The following SYNPR variants were observed in gnomAD, a reference collection of about 807,000 sequenced individuals.
SYNPR encodes the protein synaptoporin.
SYNPR carries 23 observed loss-of-function variants against 32.9 expected under a neutral mutation model. That is an observed-to-expected ratio of 0.70 (90% CI 0.50 to 0.99). The LOEUF (loss-of-function observed/expected upper bound fraction) is 0.99. Among genes scored for constraint, SYNPR ranks in the 50% least tolerant of loss-of-function variants. SYNPR has a pLI of 0.00. For synonymous variants in SYNPR, 146 were observed against 135.9 expected (o/e 1.07, Z -0.52); for missense variants, 318 against 349.3 (o/e 0.91, Z 0.71).
chr3:63,517,739 A>T (rs1489846310), intron 3 of SYNPR, among the ~76,000 whole-genome samples: 1 of 152,130 alleles, frequency 6.6e-6, no homozygotes, highest in African/African-American at 2.4e-5. Context: ...CATAGAGGTT[A>T]TAGGTCACAC....
At chr3:63,414,478 T>C (rs934713481) in intron 2 of SYNPR, among the ~76,000 whole-genome samples, 3 of 152,204 alleles carry the variant, frequency 2.0e-5, no homozygotes, top group Admixed American at 1.3e-4. Flanking sequence ...ATGAAAACAG[T>C]GACAGTGAGA....
intron 2 of SYNPR, among the ~76,000 whole-genome samples, chr3:63,307,851 T>C (rs909285746): frequency 3.3e-5 from 5 of 152,032 alleles, no homozygotes; most frequent in Non-Finnish European, 7.4e-5. Flanking sequence ...GAAAAAAACA[T>C]GGACTCTCGT....
chr3:63,520,733 G>C (rs537583307), intron 3 of SYNPR, among the ~76,000 whole-genome samples: 2 of 151,776 alleles, frequency 1.3e-5, no homozygotes, highest in Non-Finnish European at 2.9e-5. Context: ...CAGGCAGAAA[G>C]GGAGTACCCA....
chr3:63,234,309 C>T (rs2086185837), intron 1 of SYNPR, among the ~76,000 whole-genome samples: 1 of 152,144 alleles, frequency 6.6e-6, no homozygotes, highest in Non-Finnish European at 1.5e-5. Context: ...CAATTACCTC[C>T]CACCAGGTCT....
At chr3:63,579,025 A>G (rs1703042846) in intron 4 of SYNPR, among the ~76,000 whole-genome samples, 1 of 152,100 alleles carries the variant, frequency 6.6e-6, no homozygotes, top group African/African-American at 2.4e-5. Flanking sequence ...CTCTTCCTTG[A>G]GTCCAGCTGC....
chr3:63,513,702 T>C (rs1701739589), intron 3 of SYNPR, among the ~76,000 whole-genome samples: 1 of 152,058 alleles, frequency 6.6e-6, no homozygotes, highest in African/African-American at 2.4e-5. Context: ...TATATTCCCC[T>C]ACAGTGATCA....
chr3:63,409,687 A>G (rs1278109380), intron 2 of SYNPR, among the ~76,000 whole-genome samples: 1 of 152,138 alleles, frequency 6.6e-6, no homozygotes, highest in Non-Finnish European at 1.5e-5. Flanking sequence ...TGTCTTCACA[A>G]CCCTATGAGG....
intron 3 of SYNPR, among the ~76,000 whole-genome samples, chr3:63,538,412 A>G (rs1702244558): frequency 6.6e-6 from 1 of 152,080 alleles, no homozygotes; most frequent in African/African-American, 2.4e-5. Context: ...ATGATAATTA[A>G]TATTATTCTC....
intron 4 of SYNPR, among the ~76,000 whole-genome samples, chr3:63,598,422 C>T (rs1319159848): frequency 1.3e-5 from 2 of 152,084 alleles, no homozygotes; most frequent in Admixed American, 6.6e-5. Flanking sequence ...GGAAACAAAC[C>T]ACCCAGCCAA....
intron 2 of SYNPR, among the ~76,000 whole-genome samples, chr3:63,396,903 G>C (rs993675411): frequency 6.6e-6 from 1 of 152,114 alleles, no homozygotes; most frequent in Non-Finnish European, 1.5e-5. Flanking sequence ...AGGAGATCGA[G>C]ACCATGCTGG....
intron 2 of SYNPR, among the ~76,000 whole-genome samples, chr3:63,395,874 T>C (rs1376883873): frequency 2.6e-5 from 4 of 152,216 alleles, no homozygotes; most frequent in African/African-American, 9.6e-5. Flanking sequence ...TTTTTCCTTT[T>C]TTGAGGGATT....
At chr3:63,306,668 A>G (rs1267539338) in intron 2 of SYNPR, among the ~76,000 whole-genome samples, 2 of 152,068 alleles carry the variant, frequency 1.3e-5, no homozygotes, top group Non-Finnish European at 2.9e-5. Context: ...CTGCAAAGAA[A>G]TCAATCAAAG....
intron 3 of SYNPR, among the ~76,000 whole-genome samples, chr3:63,533,645 C>G (rs992869088): frequency 6.6e-6 from 1 of 152,028 alleles, no homozygotes; most frequent in Non-Finnish European, 1.5e-5. Flanking sequence ...GGAAACAAAG[C>G]GGCTCAAGGC....
chr3:63,447,998 A>ATATTTATT (rs369985539), intron 2 of SYNPR, among the ~76,000 whole-genome samples: 22 of 151,742 alleles, frequency 1.4e-4, no homozygotes, highest in African/African-American at 4.8e-4. Flanking sequence ...TGCCTACAGA[A>ATATTTATT]TATTTATTTA....
chr3:63,203,101 T>TATATATATATATATATATATATATATA, the SYNPR span: 5 of 134,394 alleles, frequency 3.7e-5, no homozygotes, highest in African/African-American at 1.4e-4. Flanking sequence ...TATATATATA[T>TATATATATATATATATATATATATATA]TTGCCACGTT....
chr3:63,293,638 G>T (rs917301028), intron 2 of SYNPR, among the ~76,000 whole-genome samples: 2 of 152,194 alleles, frequency 1.3e-5, no homozygotes, highest in Non-Finnish European at 2.9e-5. Context: ...TAAAGTGCCA[G>T]CAAGGTTGGT....
At chr3:63,387,207 C>T (rs1311820616) in intron 2 of SYNPR, among the ~76,000 whole-genome samples, 1 of 152,192 alleles carries the variant, frequency 6.6e-6, no homozygotes. Flanking sequence ...ATGACCATTA[C>T]AATTTTCACC....
At chr3:63,400,658 A>G (rs1472653212) in intron 2 of SYNPR, among the ~76,000 whole-genome samples, 1 of 152,200 alleles carries the variant, frequency 6.6e-6, no homozygotes, top group African/African-American at 2.4e-5. Flanking sequence ...CTATTCATTG[A>G]TGAGTCACCG....
chr3:63,546,391 T>C (rs1167817094), intron 3 of SYNPR, among the ~76,000 whole-genome samples: 2 of 151,990 alleles, frequency 1.3e-5, no homozygotes, highest in East Asian at 3.9e-4. Flanking sequence ...AGGAGTGAAA[T>C]TTGAAAAGAT....
Sources: allele counts gnomAD v4.1 joint callset (sites outside exome capture counted in the v4.1 genomes callset), GRCh38; gene constraint gnomAD v4.1.1; transcripts MANE v1.5; gene names NCBI Gene and HGNC (gene_info 2026-07-23, HGNC 2026-07-21).